The following DACH1 variants were observed in gnomAD, a reference collection of about 807,000 sequenced individuals.
DACH1 encodes dachshund homolog 1.
A neutral mutation model predicts 54.2 loss-of-function variants in DACH1; 12 were observed. The observed-to-expected ratio is 0.22, with a 90% confidence interval of 0.14 to 0.36. The LOEUF is 0.36. Ranked by LOEUF, DACH1 falls within the 10% of genes least tolerant of loss-of-function variation. The pLI is 1.00. For synonymous variants in DACH1, 386 were observed against 366.2 expected (o/e 1.05, Z -0.62); for missense variants, 805 against 929.8 (o/e 0.87, Z 1.75).
intron 1 of DACH1, among the ~76,000 whole-genome samples, chr13:71,735,909 T>C (rs1884092750): frequency 6.6e-6 from 1 of 152,058 alleles, no homozygotes; most frequent in Non-Finnish European, 1.5e-5. Flanking sequence ...TGGCAGTCGG[T>C]AAAATCAAAG....
intron 1 of DACH1, among the ~76,000 whole-genome samples, chr13:71,788,790 A>G (rs1332129405): frequency 6.6e-6 from 1 of 152,082 alleles, no homozygotes; most frequent in Non-Finnish European, 1.5e-5. Context: ...AAATGCATAC[A>G]AATATGCTGT....
intron 10 of DACH1, among the ~76,000 whole-genome samples, chr13:71,442,237 A>T (rs1409037763): frequency 1.3e-5 from 2 of 152,014 alleles, no homozygotes; most frequent in African/African-American, 4.8e-5. Flanking sequence ...CTCTATCTCC[A>T]CAAATTTAAT....
At chr13:71,681,437 G>C (rs1463670687) in intron 2 of DACH1, among the ~76,000 whole-genome samples, 1 of 152,092 alleles carries the variant, frequency 6.6e-6, no homozygotes, top group African/African-American at 2.4e-5. Flanking sequence ...CCAAAGACTT[G>C]GGTTTGAATA....
intron 1 of DACH1, among the ~76,000 whole-genome samples, chr13:71,814,208 G>C (rs1310323245): frequency 6.6e-6 from 1 of 152,140 alleles, no homozygotes; most frequent in Non-Finnish European, 1.5e-5. Flanking sequence ...GACCTTTAGT[G>C]AATGAAACTT....
intron 1 of DACH1, among the ~76,000 whole-genome samples, chr13:71,763,529 TC>T (rs1158964530): frequency 1.7e-5 from 2 of 116,324 alleles, no homozygotes; most frequent in African/African-American, 7.7e-5. Flanking sequence ...TCAAAGCTCT[TC>T]CCTGATTTTT....
chr13:71,725,670 T>G (rs1262896599), intron 1 of DACH1, among the ~76,000 whole-genome samples: 1 of 152,064 alleles, frequency 6.6e-6, no homozygotes, highest in African/African-American at 2.4e-5. Context: ...ATTGATAATA[T>G]CTATTAGAGA....
intron 1 of DACH1, among the ~76,000 whole-genome samples, chr13:71,688,152 T>G (rs986489929): frequency 6.6e-6 from 1 of 152,178 alleles, no homozygotes; most frequent in African/African-American, 2.4e-5. Flanking sequence ...CTATAAACTA[T>G]GAAAAGCACA....
At chr13:71,607,564 T>C (rs1056113564) in intron 3 of DACH1, among the ~76,000 whole-genome samples, 1 of 152,074 alleles carries the variant, frequency 6.6e-6, no homozygotes, top group East Asian at 1.9e-4. Context: ...ATAAGAATTG[T>C]CTCTTAGGAG....
intron 3 of DACH1, among the ~76,000 whole-genome samples, chr13:71,576,228 TA>T (rs1221519465): frequency 6.6e-6 from 1 of 152,152 alleles, no homozygotes; most frequent in Non-Finnish European, 1.5e-5. Context: ...CTATTAAGAA[TA>T]TACTAATAAC....
chr13:71,562,239 G>A (rs1002347791), intron 4 of DACH1, among the ~76,000 whole-genome samples: 2 of 152,102 alleles, frequency 1.3e-5, no homozygotes, highest in African/African-American at 4.8e-5. Flanking sequence ...TAACAATTAA[G>A]TGTTTTATTT....
At chr13:71,683,922 C>G (rs1346391990) in intron 1 of DACH1, among the ~76,000 whole-genome samples, 2 of 152,092 alleles carry the variant, frequency 1.3e-5, no homozygotes, top group African/African-American at 4.8e-5. Context: ...ATCTAAGACT[C>G]AGCTTGTCTA....
chr13:71,555,805 C>T (rs1282345115), intron 6 of DACH1, among the ~76,000 whole-genome samples: 3 of 152,026 alleles, frequency 2.0e-5, no homozygotes, highest in Non-Finnish European at 4.4e-5. Context: ...ACCATCTGAC[C>T]TAGTCGTGCA....
intron 6 of DACH1, among the ~76,000 whole-genome samples, chr13:71,511,623 T>C (rs372169136): frequency 6.6e-6 from 1 of 151,928 alleles, no homozygotes; most frequent in South Asian, 2.1e-4. Context: ...TTCAAGAGCA[T>C]TGAATGGCTA....
chr13:71,599,918 T>C (rs1444345720), intron 3 of DACH1, among the ~76,000 whole-genome samples: 2 of 151,782 alleles, frequency 1.3e-5, no homozygotes, highest in South Asian at 2.1e-4. Flanking sequence ...ATAATGAAGA[T>C]ACAAAATAAC....
At chr13:71,828,176 A>C (rs1159814128) in intron 1 of DACH1, among the ~76,000 whole-genome samples, 1 of 152,004 alleles carries the variant, frequency 6.6e-6, no homozygotes, top group East Asian at 1.9e-4. Flanking sequence ...AATATACTGA[A>C]AATGAAATCA....
intron 1 of DACH1, among the ~76,000 whole-genome samples, chr13:71,686,260 CA>C (rs1308055435): frequency 3.3e-5 from 5 of 152,152 alleles, no homozygotes; most frequent in Non-Finnish European, 5.9e-5. Flanking sequence ...AAGAGGAAAG[CA>C]ATAGCTTAGA....
chr13:71,745,709 G>T (rs539036359), intron 1 of DACH1, among the ~76,000 whole-genome samples: 1 of 152,276 alleles, frequency 6.6e-6, no homozygotes. Context: ...AGTGAGTGGT[G>T]CTTTACATTT....
chr13:71,760,021 T>C (rs1336435184), intron 1 of DACH1, among the ~76,000 whole-genome samples: 1 of 152,226 alleles, frequency 6.6e-6, no homozygotes, highest in Non-Finnish European at 1.5e-5. Context: ...CATTGACTCA[T>C]TTGCATTAAT....
At chr13:71,721,063 T>C (rs1333760971) in intron 1 of DACH1, among the ~76,000 whole-genome samples, 1 of 152,164 alleles carries the variant, frequency 6.6e-6, no homozygotes, top group Admixed American at 6.5e-5. Flanking sequence ...ACATTACCTA[T>C]GGATATTTAA....
Sources: allele counts gnomAD v4.1 joint callset (sites outside exome capture counted in the v4.1 genomes callset), GRCh38; gene constraint gnomAD v4.1.1; transcripts MANE v1.5; gene names NCBI Gene and HGNC (gene_info 2026-07-23, HGNC 2026-07-21).